The following SLC1A2 variants were observed in gnomAD, a reference collection of about 807,000 sequenced individuals.
SLC1A2 encodes the protein excitatory amino acid transporter 2.
A neutral mutation model predicts 48.8 loss-of-function variants in SLC1A2; 15 were observed. The ratio of observed to expected loss-of-function variants is 0.31; its 90% CI spans 0.21 to 0.47. The LOEUF is 0.47. SLC1A2 is among the 20% of genes least tolerant of loss of function. The pLI, the probability that SLC1A2 is intolerant of heterozygous loss-of-function variation, is 0.99. For missense variants in SLC1A2, 502 were observed against 730.5 expected, an observed-to-expected ratio of 0.69 and a Z score of 3.61; for synonymous variants, 279 against 272.6, an observed-to-expected ratio of 1.02 and a Z score of -0.23.
chr11:35,308,254 G>T (rs1338947889), intron 4 of SLC1A2, among the ~76,000 whole-genome samples: 1 of 152,186 alleles, frequency 6.6e-6, no homozygotes, highest in Non-Finnish European at 1.5e-5. Context: ...AGTTGCTGAA[G>T]CAGGATTCGA....
chr11:35,414,571 G>A (rs1162113279), intron 1 of SLC1A2, among the ~76,000 whole-genome samples: 1 of 152,102 alleles, frequency 6.6e-6, no homozygotes, highest in Non-Finnish European at 1.5e-5. Flanking sequence ...TCATGATCGT[G>A]GTAAATAAAG....
rs369461963 is a variant in SLC1A2 at position 35,317,514 on chromosome 11, G to A, written c.20C>T (p.Ala7Val). Residue 7 changes from alanine (A) to valine (V), a missense_variant and splice_region_variant, in exon 2 of 11, where the codon GCC becomes GTC. Around this residue, in one of 4 missense-constraint regions of SLC1A2, gnomAD observed 89 missense variants for 119.7 expected, o/e 0.74. Coordinates refer to ENST00000278379, the MANE Select transcript of SLC1A2 (RefSeq NM_004171.4). ...TTCCACCTGCTTGGGCATATTGTTGGCACTGGAACAGAAGTGAAGGCAGAG... is the reference window on the plus strand; with the variant it reads ...TTCCACCTGCTTGGGCATATTGTTGACACTGGAACAGAAGTGAAGGCAGAG... MASTEG[A>V]NNMPKQVEVR... 81 of 1,613,056 alleles carry A rather than the reference G, an allele frequency of 5.0e-5. No individual in the cohort carries two copies. Among genetic ancestry groups the A allele is most frequent in the Non-Finnish European group, 6.3e-5 (74 of 1,179,860 alleles).
chr11:35,355,145 T>C (rs1301875148), intron 1 of SLC1A2, among the ~76,000 whole-genome samples: 1 of 152,142 alleles, frequency 6.6e-6, no homozygotes, highest in Non-Finnish European at 1.5e-5. Context: ...TTCAAAGAAT[T>C]TTTCCCTTGT....
At chr11:35,319,297 C>A (rs918230500) in intron 1 of SLC1A2, among the ~76,000 whole-genome samples, 3 of 152,132 alleles carry the variant, frequency 2.0e-5, no homozygotes, top group Non-Finnish European at 4.4e-5. Flanking sequence ...GTGGATAGAC[C>A]ATATTTCTGT....
rs567730046 is a variant in SLC1A2 at position 35,415,356 on chromosome 11, A to G, written c.17+3594T>C. ...ATTATTTCCTGAGAATTAAGCTTTC[A>G]ATTACTCACAAGCGACTGTCTTAGT... On this transcript the variant is annotated intron_variant, in intron 1 of 10. Coordinates refer to ENST00000278379, the MANE Select transcript of SLC1A2 (RefSeq NM_004171.4). 2.6e-5 allele frequency among the ~76,000 whole-genome samples: 4 copies of G among 152,342 alleles called. No individual in the cohort carries two copies. In the South Asian group the frequency reaches 8.3e-4, roughly 32 times the overall value.
chr11:35,313,266 G>C (rs1172229552), intron 3 of SLC1A2, among the ~76,000 whole-genome samples: 1 of 152,172 alleles, frequency 6.6e-6, no homozygotes, highest in East Asian at 1.9e-4. Context: ...TGGAGAGTCT[G>C]AGAATAACGA....
intron 1 of SLC1A2, among the ~76,000 whole-genome samples, chr11:35,408,425 G>T (rs58480679): frequency 6.6e-6 from 1 of 152,014 alleles, no homozygotes; most frequent in South Asian, 2.1e-4. Context: ...TGGTATTCTC[G>T]TGGTAGTGAA....
chr11:35,324,092 C>T lies in SLC1A2; in HGVS notation c.18-6576G>A, dbSNP rs149562288. On this transcript the variant is annotated intron_variant, in intron 1 of 10. Coordinates refer to ENST00000278379, the MANE Select transcript of SLC1A2 (RefSeq NM_004171.4). ...ACTCAGAAAAGATAAGATGAGAAATCGAAGGAGAAGAGCCTTTTTTTCCAT... is the reference window on the plus strand; with the variant it reads ...ACTCAGAAAAGATAAGATGAGAAATTGAAGGAGAAGAGCCTTTTTTTCCAT... 3.1e-3 allele frequency among the ~76,000 whole-genome samples: 474 copies of T among 152,304 alleles called. 9 individuals are homozygous for T. Among genetic ancestry groups the T allele is most frequent in the Admixed American group, 0.026 (397 of 15,300 alleles).
intron 10 of SLC1A2, 62 bp from the exon 11 acceptor site, chr11:35,261,027 G>T: frequency 8.3e-7 from 1 of 1,202,222 alleles, no homozygotes; most frequent in Non-Finnish European, 1.2e-6. Context: ...AGCCCTGTGG[G>T]TTATGTGGAG....
rs1950246236 is a variant in SLC1A2, at chr11:35,252,031, T to C, written c.*8863A>G. ...AGGTAGAGAACGTCATACTCCCTCA[T>C]ATATGTGGGACCTGTGTTCATCAGT... On this transcript the variant is annotated 3_prime_UTR_variant, in exon 11 of 11. Transcript: ENST00000278379. 6.6e-6 allele frequency: 1 copy of C among 152,598 alleles called. No individual in the cohort carries two copies. 9.5% of individuals were successfully genotyped at this position (152,598 alleles called of 1,614,324 possible).
At chr11:35,276,511 G>C (rs1479264117) in intron 9 of SLC1A2, among the ~76,000 whole-genome samples, 2 of 152,138 alleles carry the variant, frequency 1.3e-5, no homozygotes, top group African/African-American at 4.8e-5. Context: ...CCTGGAGTTA[G>C]GACGCTCTGC....
intron 1 of SLC1A2, chr11:35,391,288 T>G (rs767981410): frequency 1.3e-5 from 2 of 152,230 alleles, no homozygotes; most frequent in African/African-American, 4.8e-5. Flanking sequence ...TCTGGCTCTT[T>G]GCAGAAAAAC....
chr11:35,370,018 G>C (rs1854002549), intron 1 of SLC1A2, among the ~76,000 whole-genome samples: 1 of 152,140 alleles, frequency 6.6e-6, no homozygotes, highest in Admixed American at 6.5e-5. Context: ...GATTCAGGCA[G>C]AACAGTGTGG....
chr11:35,408,447 A>G (rs1855366348), intron 1 of SLC1A2, among the ~76,000 whole-genome samples: 1 of 152,162 alleles, frequency 6.6e-6, no homozygotes, highest in South Asian at 2.1e-4. Flanking sequence ...AAGTCTCACA[A>G]GATCTGATGG....
At chr11:35,412,014 A>T (rs1240294614) in intron 1 of SLC1A2, among the ~76,000 whole-genome samples, 1 of 151,128 alleles carries the variant, frequency 6.6e-6, no homozygotes, top group Admixed American at 6.6e-5. Flanking sequence ...CTTTCTTTGA[A>T]TGAAATTATT....
At chr11:35,337,904 T>C (rs1852690613) in intron 1 of SLC1A2, among the ~76,000 whole-genome samples, 1 of 152,184 alleles carries the variant, frequency 6.6e-6, no homozygotes, top group African/African-American at 2.4e-5. Flanking sequence ...CATATCTCAT[T>C]ATCTAATTAG....
At chr11:35,363,280 AT>A (rs1387002425) in intron 1 of SLC1A2, among the ~76,000 whole-genome samples, 3 of 152,100 alleles carry the variant, frequency 2.0e-5, no homozygotes, top group Non-Finnish European at 2.9e-5. Context: ...CCAGATGACA[AT>A]TTTGGGGTTG....
At chr11:35,352,806 C>T (rs1381878233) in intron 1 of SLC1A2, among the ~76,000 whole-genome samples, 2 of 152,052 alleles carry the variant, frequency 1.3e-5, no homozygotes, top group African/African-American at 4.8e-5. Flanking sequence ...TCAATGGGAA[C>T]TCAAGGGATT....
chr11:35,304,753 G>GAACA (rs892242819), intron 5 of SLC1A2, among the ~76,000 whole-genome samples: 61 of 151,168 alleles, frequency 4.0e-4, no homozygotes, highest in African/African-American at 1.4e-3. Flanking sequence ...ACCAAATTTG[G>GAACA]AACAAACAAA....
Sources: allele counts gnomAD v4.1 joint callset (sites outside exome capture counted in the v4.1 genomes callset), GRCh38; gene constraint gnomAD v4.1.1; regional missense constraint gnomAD v4.1.1; transcripts MANE v1.5; gene names NCBI Gene and HGNC (gene_info 2026-07-23, HGNC 2026-07-21).